The following TM2D2 variants were observed in gnomAD, a reference collection of about 807,000 sequenced individuals.
The protein encoded by TM2D2 is TM2 domain-containing protein 2.
In TM2D2, 19 loss-of-function variants were observed where a neutral mutation model predicts 23.0. The observed-to-expected ratio is 0.82, with a 90% CI of 0.58 to 1.21. The LOEUF is 1.21. TM2D2 is among the 50% of genes most tolerant of loss of function. The pLI, the probability that TM2D2 is intolerant of heterozygous loss-of-function variation, is 0.00. For missense variants in TM2D2, 246 were observed against 265.4 expected (o/e 0.93, Z 0.51); for synonymous variants, 120 against 108.8 (o/e 1.10, Z -0.64).
chr8:38,991,007 G>A lies in TM2D2; in HGVS notation c.*325C>T. The A allele has an allele frequency of 3.1e-6, 1 of 322,188 alleles. No homozygotes were observed. Among genetic ancestry groups the A allele is most frequent in the South Asian group, 3.8e-5 (1 of 26,376 alleles). 20.0% of individuals were successfully genotyped at this position (322,188 alleles called of 1,614,324 possible). ...CTTGTTAGGTCCACTTGCTCCAAAG[G>A]ACTGAAGATATAGCAATGTACAGAA... On this transcript the variant is annotated 3_prime_UTR_variant, in exon 4 of 4. Transcript: ENST00000456397.
chr8:38,995,618 G>A lies in TM2D2; in HGVS notation c.228-213C>T, dbSNP rs1564198283. On this transcript the variant is annotated intron_variant, in intron 1 of 3. Coordinates refer to ENST00000456397, the MANE Select transcript of TM2D2 (RefSeq NM_078473.3). ...ATGAACCTTTTGTTGGAGAAGGGAG[G>A]TGTTTCTGGTCCTGTTTCTATAAGG... is the stretch of plus-strand genomic sequence containing the variant. The A allele has an allele frequency of 4.8e-6, 7 of 1,450,426 alleles. No homozygotes were observed. The East Asian group carries it at 8.0e-5, about 17-fold the overall frequency. 89.8% of individuals were successfully genotyped at this position (1,450,426 alleles called of 1,614,324 possible).
At chr8:38,992,393 G>A (rs182420523) in intron 3 of TM2D2, among the ~76,000 whole-genome samples, 232 of 146,866 alleles carry the variant, frequency 1.6e-3, no homozygotes, top group African/African-American at 5.1e-3. Context: ...TAGGAGGATC[G>A]CTTGAGCCCA....
chr8:38,993,163 AAG>A (rs1237673894), intron 3 of TM2D2, among the ~76,000 whole-genome samples: 1 of 152,236 alleles, frequency 6.6e-6, no homozygotes, highest in African/African-American at 2.4e-5. Context: ...AAGTTAGAGA[AAG>A]AGACAGTTAG....
At chr8:38,996,733 C>G (rs1588309737), upstream of TM2D2, 5 of 1,421,000 alleles carry the variant, frequency 3.5e-6, no homozygotes, top group Non-Finnish European at 4.6e-6. Flanking sequence ...CCGTCGACCC[C>G]CCTAGGTGGG....
rs1396291536 is a variant in TM2D2, at chr8:38,990,081, T to C, written c.*1251A>G. 3.9e-5 allele frequency: 6 copies of C among 152,272 alleles called. No individual in the cohort carries two copies. The highest frequency in any genetic ancestry group is 1.4e-4 in the African/African-American group (6 of 41,472). 9.4% of individuals were successfully genotyped at this position (152,272 alleles called of 1,614,324 possible). A position where few individuals can be genotyped will look rare whatever the true frequency, so the allele number is the denominator to read the frequency against. The stretch of plus-strand genomic sequence containing the variant: ...ACTTTCAAGACAGAATAGGATCATC[T>C]GTTTTAAATTTTTTACAGAAAATTG... On this transcript the variant is annotated 3_prime_UTR_variant, in exon 4 of 4. Coordinates refer to ENST00000456397, the MANE Select transcript of TM2D2 (RefSeq NM_078473.3).
At chr8:38,992,437 GTTTGTGCCA>G (rs937795633) in intron 3 of TM2D2, among the ~76,000 whole-genome samples, 2 of 146,482 alleles carry the variant, frequency 1.4e-5, no homozygotes, top group African/African-American at 5.0e-5. Flanking sequence ...CTGTTTGTCT[GTTTGTGCCA>G]TTACACTCCA....
chr8:38,995,547 A>C (rs757590980), intron 1 of TM2D2, 142 bp from the exon 2 acceptor site: 1 of 1,519,754 alleles, frequency 6.6e-7, no homozygotes, highest in Non-Finnish European at 8.8e-7. Flanking sequence ...CCCCTTTCCA[A>C]GCCAATTAAA....
chr8:38,992,636 T>C (rs917660531), intron 3 of TM2D2, among the ~76,000 whole-genome samples: 7 of 152,028 alleles, frequency 4.6e-5, no homozygotes, highest in African/African-American at 1.7e-4. Context: ...TTTTGCAGAG[T>C]TGGATTGGAC....
Position 38,996,320 on chromosome 8 carries a change from A to C in TM2D2, c.120T>G (p.Ala40=). The C allele has an allele frequency of 1.2e-6, 2 of 1,614,160 alleles. No homozygotes were observed. Among genetic ancestry groups the C allele is most frequent in the Non-Finnish European group, 1.7e-6 (2 of 1,180,034 alleles). ...CGCCAGCGGATGTGAGCTCAGGCTC[A>C]GCGGTCGCATTTTGCGAGTGGCTCC... ...VSRSHSQNAT[A]EPELTSAGAA... The change falls in exon 1 of 4, where the codon GCT becomes GCG. Residue 40 remains alanine (A), a synonymous_variant. Coordinates refer to ENST00000456397, the MANE Select transcript of TM2D2 (RefSeq NM_078473.3).
At chr8:38,995,477 CA>C (rs1177834613) in intron 1 of TM2D2, 72 bp from the exon 2 acceptor site, 1 of 1,591,842 alleles carries the variant, frequency 6.3e-7, no homozygotes, top group Non-Finnish European at 8.5e-7. Flanking sequence ...TGCACGTAAT[CA>C]AAACGGGCAA....
chr8:38,996,542 G>A (rs561155091), upstream of TM2D2: 7 of 1,506,804 alleles, frequency 4.6e-6, no homozygotes, highest in African/African-American at 6.9e-5. Flanking sequence ...AGCCCCGCCC[G>A]CGTAGCCCCG....
Position 38,990,216 on chromosome 8 carries a change from A to AT in TM2D2, c.*1115dup, listed in dbSNP as rs548329894. 72 of 152,346 alleles carry AT rather than the reference A, an allele frequency of 4.7e-4. No homozygotes were observed. Among genetic ancestry groups the AT allele is most frequent in the African/African-American group, 1.5e-3 (62 of 41,584 alleles). The allele number at this position is 152,346 out of a possible 1,614,324, so 9.4% of individuals were successfully genotyped here. On this transcript the variant is annotated 3_prime_UTR_variant, in exon 4 of 4. Transcript: ENST00000456397. ...ATCCAGGGAAGTTATTTCAACTGTG[A>AT]TATTTGGTCTTAAATTCAATTATTA...
rs1449557290 is a variant in TM2D2, at chr8:38,989,858, T to C, written c.*1474A>G. 2 of 151,970 alleles carry C rather than the reference T, an allele frequency of 1.3e-5. No individual in the cohort carries two copies. The highest frequency in any genetic ancestry group is 2.9e-5 in the Non-Finnish European group (2 of 67,870). 9.4% of individuals were successfully genotyped at this position (151,970 alleles called of 1,614,324 possible). ...TAAATTTATAGGGTACCAGTACAAT[T>C]TTATTTCATGCATAAATTGTGTAGA... is the stretch of plus-strand genomic sequence containing the variant. On this transcript the variant is annotated 3_prime_UTR_variant, in exon 4 of 4. Coordinates refer to ENST00000456397, the MANE Select transcript of TM2D2 (RefSeq NM_078473.3).
intron 1 of TM2D2, 22 bp downstream of exon 1, chr8:38,996,191 G>A: frequency 2.5e-6 from 4 of 1,603,862 alleles, no homozygotes; most frequent in East Asian, 2.2e-5. Context: ...ACGTCCACCC[G>A]CCTCGACCAC....
chr8:38,992,571 G>A (rs118177400), intron 3 of TM2D2, among the ~76,000 whole-genome samples: 1 of 152,038 alleles, frequency 6.6e-6, no homozygotes, highest in East Asian at 1.9e-4. Context: ...GTTGGTAGAG[G>A]GTCTCAACAG....
In TM2D2 at chr8:38,989,792, C is replaced by T. The variant is rs960454997; in HGVS notation, c.*1540G>A. On this transcript the variant is annotated 3_prime_UTR_variant, in exon 4 of 4. Coordinates refer to ENST00000456397, the MANE Select transcript of TM2D2 (RefSeq NM_078473.3). ...CCCTTAGAAATTTTTTTAAAATATA[C>T]ATATGGCATCCTTGAACTCCCTTAA... is the stretch of plus-strand genomic sequence containing the variant. The T allele has an allele frequency of 6.6e-5, 10 of 151,906 alleles. No homozygotes were observed. The highest frequency in any genetic ancestry group is 1.9e-4 in the African/African-American group (8 of 41,260). 9.4% of individuals were successfully genotyped at this position (151,906 alleles called of 1,614,324 possible).
At chr8:38,996,938 C>G (rs1353200191), upstream of TM2D2, 1 of 1,453,024 alleles carries the variant, frequency 6.9e-7, no homozygotes, top group Non-Finnish European at 9.3e-7. Flanking sequence ...GCTCGTCGGG[C>G]GCGCGTGCTC....
At chr8:38,996,815 T>G (rs2129430045), upstream of TM2D2, 1 of 1,430,276 alleles carries the variant, frequency 7.0e-7, no homozygotes, top group Non-Finnish European at 9.1e-7. Context: ...CACCGCCGGT[T>G]TAGAAATCCT....
intron 3 of TM2D2, among the ~76,000 whole-genome samples, chr8:38,992,303 C>CAAAAAAAAAAAA (rs11332696): frequency 4.2e-5 from 2 of 47,416 alleles, no homozygotes; most frequent in African/African-American, 1.8e-4. Context: ...CTGTTTCTAC[C>CAAAAAAAAAAAA]AAAAAAAAAA....
Sources: gnomAD v4.1 joint callset for allele counts (sites outside exome capture counted in the v4.1 genomes callset) on GRCh38, gnomAD v4.1.1 for gene constraint, MANE v1.5 for transcripts, NCBI Gene and HGNC (gene_info 2026-07-23, HGNC 2026-07-21) for gene names.